MKI67: variants seen among roughly 807,000 people sequenced by gnomAD.
MKI67 encodes proliferation marker protein Ki-67.
MKI67 carries 152 observed loss-of-function variants against 233.5 expected under a neutral mutation model. The observed-to-expected ratio is 0.65, with a 90% CI of 0.57 to 0.74. MKI67 has a LOEUF of 0.74. Among genes scored for constraint, MKI67 ranks in the 30% least tolerant of loss-of-function variants. The pLI, the probability that MKI67 is intolerant of heterozygous loss-of-function variation, is 0.00. For synonymous variants in MKI67, 1,465 were observed against 1,418.5 expected (o/e 1.03, Z -0.74); for missense variants, 3,940 against 3,885.2 (o/e 1.01, Z -0.37).
chr10:128,103,779 T>G lies in MKI67; in HGVS notation c.8061A>C (p.Glu2687Asp). The change falls in exon 13 of 15, where the codon GAA (glutamate) becomes GAC (aspartate). Residue 2687 changes from glutamate to aspartate, a missense_variant. By Grantham distance (45) the Glu-to-Asp change is conservative. Coordinates refer to ENST00000368654, the MANE Select transcript of MKI67 (RefSeq NM_002417.5). ...GTGATTCCTGAGTGTGACCTGATGT[T>G]TCAGAGAGCTCTGTGAAGCCGGCCA... Reference protein sequence around the residue: ...EDLAGFTELSETSGHTQESLT... With the variant: ...EDLAGFTELSDTSGHTQESLT... The G allele has an allele frequency of 1.2e-6, 2 of 1,613,898 alleles. No homozygotes were observed. Among genetic ancestry groups the G allele is most frequent in the South Asian group, 2.2e-5 (2 of 91,072 alleles).
rs765976505 is a variant in MKI67 at position 128,109,337 on chromosome 10, T to C, written c.2503A>G (p.Ile835Val). 3.7e-6 allele frequency: 6 copies of C among 1,614,218 alleles called. No individual in the cohort carries two copies. Among genetic ancestry groups the C allele is most frequent in the Non-Finnish European group, 4.2e-6 (5 of 1,180,030 alleles). ...SASPPLRRQC[I>V]RENGNVAKTP... The stretch of plus-strand genomic sequence containing the variant: ...TTTGCTACGTTTCCATTTTCTCTAA[T>C]ACACTGCCGTCTTAAGGGAGGGCTT... Residue 835 changes from isoleucine (I) to valine (V), a missense_variant, in exon 13 of 15, where the codon ATT becomes GTT. Ile to Val is a conservative substitution (Grantham distance 29). Transcript: ENST00000368654.
chr10:128,119,992 T>C lies in MKI67; in HGVS notation c.288-673A>G, dbSNP rs145445885. Among the ~76,000 whole-genome samples the C allele has an allele frequency of 2.0e-3, 298 of 152,294 alleles. 2 individuals are homozygous for C. The highest frequency in any genetic ancestry group is 6.8e-3 in the African/African-American group (282 of 41,568). ...TTTGGCCTCAGTGAAATGACCTGAT[T>C]TGAATTTATAGGCAACCTAAGTAAG... On this transcript the variant is annotated intron_variant, in intron 4 of 14. Coordinates refer to ENST00000368654, the MANE Select transcript of MKI67 (RefSeq NM_002417.5).
Position 128,125,903 on chromosome 10 carries a change from A to C in MKI67, c.-89-147T>G. 1.0e-4 allele frequency: 49 copies of C among 490,712 alleles called. No individual in the cohort carries two copies. Among genetic ancestry groups the C allele is most frequent in the East Asian group, 4.0e-4 (10 of 25,118 alleles). The allele number at this position is 490,712 out of a possible 1,614,324, so 30.4% of individuals were successfully genotyped here. A position where few individuals can be genotyped will look rare whatever the true frequency, so the allele number is the denominator to read the frequency against. On this transcript the variant is annotated intron_variant, in intron 1 of 14. Transcript: ENST00000368654. This position sits in a 1 kb window ranked among gnomAD's most constrained non-coding sequence, Gnocchi z 5.3. ...TCCGACCGCAGCCCCCGGCGCCCCA[A>C]AGTCCGGCAGCTGGGGTGTTGTCGC...
At chr10:128,111,574 C>G (rs1852674812) in intron 11 of MKI67, 71 bp downstream of exon 11, 2 of 1,329,178 alleles carry the variant, frequency 1.5e-6, no homozygotes, top group East Asian at 2.4e-5. Context: ...ACAAAGTTAG[C>G]AAAACAAACA....
At position 128,115,313 on chromosome 10, in the gene MKI67, G is replaced by C; in HGVS notation, c.1095C>G (p.Asp365Glu). Residue 365 changes from aspartate (D) to glutamate (E), a missense_variant, in exon 7 of 15, where the codon GAC (aspartate) becomes GAG (glutamate). Transcript: ENST00000368654. ...QNSPQKHKNK[D>E]LYTTGRRESV... Reference sequence around the variant, plus strand: ...ATTCTCTTCTACCAGTAGTATACAGGTCTTTGTTCTTATGTTTTTGTGGAG... The same window carrying C: ...ATTCTCTTCTACCAGTAGTATACAGCTCTTTGTTCTTATGTTTTTGTGGAG... 6.2e-7 allele frequency: 1 copy of C among 1,614,100 alleles called. No individual in the cohort carries two copies. Among genetic ancestry groups the C allele is most frequent in the Non-Finnish European group, 8.5e-7 (1 of 1,180,028 alleles).
Position 128,122,906 on chromosome 10 carries a change from T to C in MKI67, c.262A>G (p.Ile88Val). The C allele has an allele frequency of 6.3e-6, 10 of 1,588,348 alleles. No homozygotes were observed. Among genetic ancestry groups the C allele is most frequent in the South Asian group, 1.1e-5 (1 of 88,822 alleles). The change falls in exon 4 of 15, where the codon ATA (isoleucine) becomes GTA (valine). Residue 88 changes from isoleucine (I) to valine (V), a missense_variant. Physicochemically the swap from Ile to Val is conservative, Grantham distance 29. Coordinates refer to ENST00000368654, the MANE Select transcript of MKI67 (RefSeq NM_002417.5). ...EPVRLKHGDV[I>V]TIIDRSFRYE... ...CTGAAGGAACGATCAATAATAGTTA[T>C]TACATCTCCATGTTTTAGCCGTACA...
chr10:128,099,351 T>G, intron 14 of MKI67, 96 bp from the exon 15 acceptor site: 1 of 781,006 alleles, frequency 1.3e-6, no homozygotes, highest in East Asian at 2.8e-5. Context: ...TTACTAGGTA[T>G]TATGCAGGTC....
At position 128,105,708 on chromosome 10, in the gene MKI67, T is replaced by C. The variant is rs1852470353; in HGVS notation, c.6132A>G (p.Glu2044=). Residue 2044 remains glutamate (E), a synonymous_variant, in exon 13 of 15, where the codon GAA becomes GAG. Coordinates refer to ENST00000368654, the MANE Select transcript of MKI67 (RefSeq NM_002417.5). ...GDGKSIKAFK[E]SAKQMLDPAN... ...CTGGGTCCAGCATCTGCTTTGCAGATTCCTTAAACGCTTTGATGCTCTTTC... is the reference window on the plus strand; with the variant it reads ...CTGGGTCCAGCATCTGCTTTGCAGACTCCTTAAACGCTTTGATGCTCTTTC... 2 of 1,614,044 alleles carry C rather than the reference T, an allele frequency of 1.2e-6. No individual in the cohort carries two copies. The highest frequency in any genetic ancestry group is 1.7e-5 in the Admixed American group (1 of 60,002).
Position 128,109,154 on chromosome 10 carries a change from T to G in MKI67, c.2686A>C (p.Thr896Pro). 6.2e-7 allele frequency: 1 copy of G among 1,614,240 alleles called. No homozygotes were observed. Among genetic ancestry groups the G allele is most frequent in the South Asian group, 1.1e-5 (1 of 91,086 alleles). The change falls in exon 13 of 15, where the codon ACA becomes CCA. Residue 896 changes from threonine to proline, a missense_variant. Physicochemically the swap from Thr to Pro is conservative, Grantham distance 38. Transcript: ENST00000368654. ...KLPVESKSEE[T>P]NTEIVECILK... ...ATGCACTCAACAATTTCTGTATTTG[T>G]TTCTTCACTCTTACTTTCCACAGGT...
Position 128,123,007 on chromosome 10 carries a change from AAAG to A in MKI67, c.172-14_172-12del. ...ATTATGTAATATTGCCTGCAAGTGA[AAAG>A]AAGGGGAAATATGTAACTAATGAAC... On this transcript the variant is annotated splice_polypyrimidine_tract_variant and intron_variant, in intron 3 of 14. Transcript: ENST00000368654. 1 of 1,577,830 alleles carries A rather than the reference AAAG, an allele frequency of 6.3e-7. No individual in the cohort carries two copies. The highest frequency in any genetic ancestry group is 1.1e-5 in the South Asian group (1 of 89,798).
intron 8 of MKI67, among the ~76,000 whole-genome samples, chr10:128,113,119 CT>C (rs1852717252): frequency 6.6e-6 from 1 of 152,130 alleles, no homozygotes; most frequent in African/African-American, 2.4e-5. Context: ...TTGTAATTGG[CT>C]ATTCTGACGG....
At position 128,108,424 on chromosome 10, in the gene MKI67, G is replaced by T; in HGVS notation, c.3416C>A (p.Thr1139Asn). 1 of 1,614,146 alleles carries T rather than the reference G, an allele frequency of 6.2e-7. No individual in the cohort carries two copies. The highest frequency in any genetic ancestry group is 2.2e-5 in the East Asian group (1 of 44,870). ...AGGCCATTGCTTTGTGCTTGTTGGAGTGTCCACTGATTCTGGTGGTGGAGA... is the reference window on the plus strand; with the variant it reads ...AGGCCATTGCTTTGTGCTTGTTGGATTGTCCACTGATTCTGGTGGTGGAGA... The part of the protein sequence containing the change: ...CKSPPPESVD[T>N]PTSTKQWPKR... The change falls in exon 13 of 15, where the codon ACT becomes AAT. Residue 1139 changes from threonine to asparagine, a missense_variant. Physicochemically the swap from Thr to Asn is moderately conservative, Grantham distance 65. Transcript: ENST00000368654.
In MKI67 at chr10:128,113,630, G is replaced by C. The variant is rs201341811; in HGVS notation, c.1481-28C>G. The C allele has an allele frequency of 3.4e-4, 538 of 1,596,876 alleles. 1 individual carries two copies. The highest frequency in any genetic ancestry group is 4.3e-4 in the Non-Finnish European group (498 of 1,168,352). Reference sequence around the variant, plus strand: ...AAAGTAACGGATACAAATGTGGAAAGAGCAATGAAAAAACATACCAAGACT... The same window carrying C: ...AAAGTAACGGATACAAATGTGGAAACAGCAATGAAAAAACATACCAAGACT... On this transcript the variant is annotated intron_variant, in intron 7 of 14. Transcript: ENST00000368654.
At chr10:128,101,966 A>T (rs1361102318) in intron 13 of MKI67, among the ~76,000 whole-genome samples, 2 of 152,248 alleles carry the variant, frequency 1.3e-5, no homozygotes, top group Non-Finnish European at 2.9e-5. Context: ...AATAAGATAT[A>T]TATCAAATCT....
In MKI67 at chr10:128,109,439, A is replaced by G; in HGVS notation, c.2417-16T>C. 6.3e-7 allele frequency: 1 copy of G among 1,595,994 alleles called. No homozygotes were observed. Among genetic ancestry groups the G allele is most frequent in the South Asian group, 1.1e-5 (1 of 89,288 alleles). On this transcript the variant is annotated splice_polypyrimidine_tract_variant and intron_variant, in intron 12 of 14. Coordinates refer to ENST00000368654, the MANE Select transcript of MKI67 (RefSeq NM_002417.5). Reference sequence around the variant, plus strand: ...ACATTTCCTCCTGAAATAAAAACATACACAATAAAAACATTCTATTAGTGT... The same window carrying G: ...ACATTTCCTCCTGAAATAAAAACATGCACAATAAAAACATTCTATTAGTGT...
At chr10:128,119,405 C>T in intron 4 of MKI67, 86 bp from the exon 5 acceptor site, 1 of 885,490 alleles carries the variant, frequency 1.1e-6, no homozygotes. Flanking sequence ...GTCCAAGGAT[C>T]AACGAACAAA....
At position 128,098,043 on chromosome 10, in the gene MKI67, A is replaced by T. The variant is rs1852249110; in HGVS notation, c.*1147T>A. 1 of 152,250 alleles carries T rather than the reference A, an allele frequency of 6.6e-6. No homozygotes were observed. Among genetic ancestry groups the T allele is most frequent in the Non-Finnish European group, 1.5e-5 (1 of 68,056 alleles). The allele number at this position is 152,250 out of a possible 1,614,324, so 9.4% of individuals were successfully genotyped here. On this transcript the variant is annotated 3_prime_UTR_variant, in exon 15 of 15. Transcript: ENST00000368654. Reference sequence around the variant, plus strand: ...TGCACCATCCTCACCTGCACCTGGCAAGGTGGGTGAATGGGGAGGAATCCA... The same window carrying T: ...TGCACCATCCTCACCTGCACCTGGCTAGGTGGGTGAATGGGGAGGAATCCA...
Position 128,122,946 on chromosome 10 carries a change from A to C in MKI67, c.222T>G (p.Ser74=). The change falls in exon 4 of 15, where the codon TCT becomes TCG. Residue 74 remains serine, a synonymous_variant. Transcript: ENST00000368654. Reference sequence around the variant, plus strand: ...TTAGCCGTACAGGCTCATCAATAACAGACCCATTTACTTGTGTTGGATTTG... The same window carrying C: ...TTAGCCGTACAGGCTCATCAATAACCGACCCATTTACTTGTGTTGGATTTG... The part of the protein sequence containing the change: ...SSTNPTQVNG[S]VIDEPVRLKH... The C allele has an allele frequency of 1.2e-6, 2 of 1,609,438 alleles. No homozygotes were observed. Among genetic ancestry groups the C allele is most frequent in the Non-Finnish European group, 8.5e-7 (1 of 1,176,540 alleles).
rs753183705 is a variant in MKI67, at chr10:128,106,454, T to C, written c.5386A>G (p.Asn1796Asp). The change falls in exon 13 of 15, where the codon AAC (asparagine) becomes GAC (aspartate). Residue 1796 changes from asparagine (N) to aspartate (D), a missense_variant. Asn to Asp is a conservative substitution (Grantham distance 23). Coordinates refer to ENST00000368654, the MANE Select transcript of MKI67 (RefSeq NM_002417.5). The stretch of plus-strand genomic sequence containing the variant: ...TGCACTGGAGTTCCCAAAAACGTGT[T>C]GATGTCTTTCTCTTCACCTACTGCT... Reference protein sequence around the residue: ...KPAVGEEKDINTFLGTPVQKL... With the variant: ...KPAVGEEKDIDTFLGTPVQKL... 10 of 1,613,676 alleles carry C rather than the reference T, an allele frequency of 6.2e-6. No individual in the cohort carries two copies. Among genetic ancestry groups the C allele is most frequent in the Non-Finnish European group, 8.5e-6 (10 of 1,179,924 alleles).
Sources: gnomAD v4.1 joint callset for allele counts (sites outside exome capture counted in the v4.1 genomes callset) on GRCh38, gnomAD v4.1.1 for gene constraint, Gnocchi (gnomAD v3.1) non-coding constraint, MANE v1.5 for transcripts, NCBI Gene and HGNC (gene_info 2026-07-23, HGNC 2026-07-21) for gene names.